The following ROBO2 variants were observed in gnomAD, a reference collection of about 807,000 sequenced individuals.
ROBO2 encodes the protein roundabout homolog 2.
Under a neutral mutation model 160.8 loss-of-function variants are expected in ROBO2, and 53 were observed. The observed-to-expected ratio is 0.33, with a 90% CI of 0.26 to 0.41. The LOEUF (loss-of-function observed/expected upper bound fraction) is 0.41. ROBO2 is among the 10% of genes least tolerant of loss of function. The pLI is 1.00. For synonymous variants in ROBO2, 664 were observed against 611.7 expected, an observed-to-expected ratio of 1.09 and a Z score of -1.26; for missense variants, 1,577 against 1,722.4, an observed-to-expected ratio of 0.92 and a Z score of 1.49.
chr3:76,697,624 C>G (rs181463717), intron 2 of ROBO2, among the ~76,000 whole-genome samples: 2 of 151,792 alleles, frequency 1.3e-5, no homozygotes, highest in Admixed American at 6.6e-5. Flanking sequence ...CCAGCCTGGG[C>G]GACAGAGTGA....
intron 2 of ROBO2, among the ~76,000 whole-genome samples, chr3:76,182,905 T>C (rs574791750): frequency 6.6e-6 from 1 of 152,186 alleles, no homozygotes; most frequent in African/African-American, 2.4e-5. Context: ...GTTCCTGGTG[T>C]CTATTTGCTC....
chr3:77,404,514 A>G (rs1407771934), intron 2 of ROBO2, among the ~76,000 whole-genome samples: 1 of 152,188 alleles, frequency 6.6e-6, no homozygotes, highest in African/African-American at 2.4e-5. Context: ...ATGGAATTCT[A>G]GAACTTGTTT....
chr3:77,541,784 A>T (rs1243347747), intron 6 of ROBO2, among the ~76,000 whole-genome samples: 1 of 152,202 alleles, frequency 6.6e-6, no homozygotes, highest in Non-Finnish European at 1.5e-5. Flanking sequence ...TTCAGGTTTT[A>T]GACAGAATAT....
intron 2 of ROBO2, among the ~76,000 whole-genome samples, chr3:75,975,794 TAACTA>T (rs2065119122): frequency 6.6e-6 from 1 of 151,598 alleles, no homozygotes; most frequent in Non-Finnish European, 1.5e-5. Flanking sequence ...TAGCATAAAA[TAACTA>T]AACAACAAAA....
chr3:76,265,133 G>T (rs183905243), intron 2 of ROBO2, among the ~76,000 whole-genome samples: 14 of 152,226 alleles, frequency 9.2e-5, no homozygotes, highest in Non-Finnish European at 1.6e-4. Context: ...GCAGGCTGAA[G>T]CCTGGAGGCA....
intron 2 of ROBO2, among the ~76,000 whole-genome samples, chr3:75,995,411 T>C (rs79000155): frequency 0.031 from 4,637 of 152,018 alleles, 218 homozygotes; most frequent in African/African-American, 0.098. Flanking sequence ...AACTTAAGGG[T>C]GATGTTGGGC....
At chr3:77,481,813 A>T (rs1444003496) in intron 4 of ROBO2, among the ~76,000 whole-genome samples, 37 of 152,198 alleles carry the variant, frequency 2.4e-4, no homozygotes. Flanking sequence ...AATAGGTTAA[A>T]AACTGACTAG....
intron 2 of ROBO2, among the ~76,000 whole-genome samples, chr3:77,016,563 T>G (rs1323485503): frequency 1.3e-5 from 2 of 152,146 alleles, no homozygotes; most frequent in Non-Finnish European, 2.9e-5. Context: ...GTAAGCTAGG[T>G]TGAATCATAC....
chr3:76,715,873 C>G (rs989022639), intron 2 of ROBO2, among the ~76,000 whole-genome samples: 3 of 152,086 alleles, frequency 2.0e-5, no homozygotes, highest in Admixed American at 6.5e-5. Flanking sequence ...AAATATAAAT[C>G]TTATTCAACA....
chr3:76,535,666 T>C (rs1257982251), intron 2 of ROBO2, among the ~76,000 whole-genome samples: 3 of 151,934 alleles, frequency 2.0e-5, no homozygotes, highest in Non-Finnish European at 4.4e-5. Context: ...AAAAAGAGTG[T>C]ATAAAAGAAT....
intron 2 of ROBO2, among the ~76,000 whole-genome samples, chr3:77,446,055 T>C (rs902565880): frequency 6.6e-6 from 1 of 151,874 alleles, no homozygotes; most frequent in Admixed American, 6.6e-5. Context: ...ATTCCAGGAG[T>C]CTACAACTCT....
At chr3:76,442,691 C>A (rs1414820970) in intron 2 of ROBO2, among the ~76,000 whole-genome samples, 1 of 152,190 alleles carries the variant, frequency 6.6e-6, no homozygotes, top group Non-Finnish European at 1.5e-5. Context: ...GATCTCTCAT[C>A]TTCCCACTCC....
At chr3:75,946,620 T>A (rs1948303144) in intron 2 of ROBO2, among the ~76,000 whole-genome samples, 1 of 151,896 alleles carries the variant, frequency 6.6e-6, no homozygotes. Context: ...CATTTGAGAG[T>A]TGAGTGAAGA....
intron 2 of ROBO2, among the ~76,000 whole-genome samples, chr3:77,317,851 TG>T (rs1232935072): frequency 5.0e-5 from 1 of 19,922 alleles, no homozygotes; most frequent in East Asian, 2.0e-3. Flanking sequence ...AGGGGGCTGC[TG>T]GGGGGCTGCT....
intron 2 of ROBO2, among the ~76,000 whole-genome samples, chr3:76,306,367 G>T (rs1486547978): frequency 6.6e-6 from 1 of 151,876 alleles, no homozygotes; most frequent in African/African-American, 2.4e-5. Context: ...CTCACATTAT[G>T]CCATTACTAC....
intron 2 of ROBO2, among the ~76,000 whole-genome samples, chr3:76,049,822 A>G (rs1038150181): frequency 3.9e-5 from 6 of 152,090 alleles, no homozygotes; most frequent in African/African-American, 1.2e-4. Context: ...CTGGTACTAC[A>G]TAGTCCCTCT....
intron 2 of ROBO2, among the ~76,000 whole-genome samples, chr3:76,816,738 A>G (rs1292672514): frequency 6.6e-6 from 1 of 152,110 alleles, no homozygotes; most frequent in Non-Finnish European, 1.5e-5. Context: ...ACAAAGGATT[A>G]TAAATCATGC....
intron 2 of ROBO2, among the ~76,000 whole-genome samples, chr3:77,421,344 T>C (rs374067570): frequency 1.3e-5 from 2 of 152,296 alleles, no homozygotes; most frequent in East Asian, 1.9e-4. Flanking sequence ...TTTCATTTTA[T>C]GTATTTTGTT....
intron 2 of ROBO2, among the ~76,000 whole-genome samples, chr3:77,110,590 A>C (rs930304003): frequency 6.6e-6 from 1 of 150,950 alleles, no homozygotes; most frequent in Non-Finnish European, 1.5e-5. Flanking sequence ...AATTATGCAA[A>C]AATTAATCTG....
Sources: gnomAD v4.1 joint callset for allele counts (sites outside exome capture counted in the v4.1 genomes callset) on GRCh38, gnomAD v4.1.1 for gene constraint, MANE v1.5 for transcripts, NCBI Gene and HGNC (gene_info 2026-07-23, HGNC 2026-07-21) for gene names.